BBS9: variants seen among roughly 807,000 people sequenced by gnomAD.
BBS9 encodes the protein protein PTHB1.
A neutral mutation model predicts 117.7 loss-of-function variants in BBS9; 89 were observed. The observed-to-expected ratio is 0.76, with a 90% confidence interval of 0.64 to 0.90. The LOEUF is 0.90. BBS9 is among the 40% of genes least tolerant of loss of function. BBS9 has a pLI of 0.00. For missense variants in BBS9, 982 were observed against 1,042.2 expected (o/e 0.94, Z 0.80); for synonymous variants, 379 against 370.9 (o/e 1.02, Z -0.25).
At chr7:33,206,786 C>A (rs1787014087) in intron 5 of BBS9, among the ~76,000 whole-genome samples, 2 of 152,044 alleles carry the variant, frequency 1.3e-5, no homozygotes, top group Non-Finnish European at 2.9e-5. Context: ...TGCCCTGTAG[C>A]ACATTATTTC....
At chr7:33,318,174 T>C in intron 9 of BBS9, among the ~76,000 whole-genome samples, 1 of 152,246 alleles carries the variant, frequency 6.6e-6, no homozygotes, top group South Asian at 2.1e-4. Context: ...CCACCTTTAA[T>C]GGAGTCTAAA....
chr7:33,243,377 C>A (rs1452748365), intron 5 of BBS9, among the ~76,000 whole-genome samples: 1 of 152,206 alleles, frequency 6.6e-6, no homozygotes, highest in Non-Finnish European at 1.5e-5. Flanking sequence ...ATATCTGATG[C>A]AGCTGAATTC....
At chr7:33,465,610 TC>T (rs1240670756) in intron 19 of BBS9, among the ~76,000 whole-genome samples, 1 of 152,198 alleles carries the variant, frequency 6.6e-6, no homozygotes, top group East Asian at 1.9e-4. Flanking sequence ...TGGGTTTGAA[TC>T]CTGTCTCTCA....
At chr7:33,480,187 T>A (rs776741319) in intron 19 of BBS9, among the ~76,000 whole-genome samples, 1 of 152,216 alleles carries the variant, frequency 6.6e-6, no homozygotes, top group Non-Finnish European at 1.5e-5. Context: ...GTTGTAATGA[T>A]TAAAACATTC....
At chr7:33,172,933 A>G (rs570278397) in intron 4 of BBS9, among the ~76,000 whole-genome samples, 1 of 152,356 alleles carries the variant, frequency 6.6e-6, no homozygotes, top group South Asian at 2.1e-4. Context: ...AAACAATGGG[A>G]AGAGTTTCTA....
chr7:33,568,697 C>T (rs1442418837), intron 21 of BBS9, among the ~76,000 whole-genome samples: 3 of 152,138 alleles, frequency 2.0e-5, no homozygotes. Context: ...TCTATAAGAG[C>T]TTAACTTCAA....
chr7:33,147,032 T>C (rs1394447951), intron 2 of BBS9, among the ~76,000 whole-genome samples: 1 of 152,212 alleles, frequency 6.6e-6, no homozygotes, highest in Non-Finnish European at 1.5e-5. Context: ...ATAAATTTAT[T>C]GGACCTGGAA....
At chr7:33,349,883 T>G (rs2128663915) in intron 13 of BBS9, among the ~76,000 whole-genome samples, 1 of 152,324 alleles carries the variant, frequency 6.6e-6, no homozygotes, top group African/African-American at 2.4e-5. Context: ...TGTGTAACCT[T>G]AGGCAAAAAC....
At chr7:33,323,230 C>G (rs1218115691) in intron 9 of BBS9, among the ~76,000 whole-genome samples, 1 of 152,096 alleles carries the variant, frequency 6.6e-6, no homozygotes, top group Non-Finnish European at 1.5e-5. Context: ...AAATATTCCA[C>G]AAATATCTGT....
intron 19 of BBS9, chr7:33,390,646 T>A (rs950381475): frequency 1.0e-6 from 1 of 956,986 alleles, no homozygotes; most frequent in Non-Finnish European, 1.2e-6. Flanking sequence ...TCTATTTTAA[T>A]TCCGTTTAGT....
intron 7 of BBS9, among the ~76,000 whole-genome samples, chr7:33,266,658 T>C (rs996286051): frequency 6.6e-6 from 1 of 152,184 alleles, no homozygotes; most frequent in Non-Finnish European, 1.5e-5. Context: ...TTATTAGTTA[T>C]TGAGAGAGGG....
At chr7:33,497,717 T>A (rs1258400750) in intron 19 of BBS9, among the ~76,000 whole-genome samples, 1 of 152,168 alleles carries the variant, frequency 6.6e-6, no homozygotes, top group East Asian at 1.9e-4. Flanking sequence ...AATCCAACGT[T>A]GAGTAACTTA....
chr7:33,611,628 T>C lies in BBS9; in HGVS notation c.2522-23549T>C, dbSNP rs1267890763. On this transcript the variant is annotated intron_variant, in intron 21 of 21. Coordinates refer to the BBS9 transcript ENST00000671952. ...TAATTAATTAATATTAATTATTTAA[T>C]AATATTATTATATAAGGTATATTAT... 6.0e-4 allele frequency among the ~76,000 whole-genome samples: 78 copies of C among 130,224 alleles called. 1 individual carries two copies. In the East Asian group the frequency reaches 0.014, roughly 23 times the overall value. The allele number at this position is 130,224 out of a possible 152,430, so 85.4% of individuals were successfully genotyped here.
chr7:33,480,252 C>T (rs1458841186), intron 19 of BBS9, among the ~76,000 whole-genome samples: 1 of 152,122 alleles, frequency 6.6e-6, no homozygotes, highest in African/African-American at 2.4e-5. Flanking sequence ...ATTCTTATTT[C>T]CCAGTGTTAA....
chr7:33,230,390 T>C (rs1047661208), intron 5 of BBS9, among the ~76,000 whole-genome samples: 4 of 152,206 alleles, frequency 2.6e-5, no homozygotes, highest in Non-Finnish European at 5.9e-5. Context: ...CCTGGTCTTA[T>C]ATTTAGGTCT....
intron 5 of BBS9, among the ~76,000 whole-genome samples, chr7:33,256,903 A>C (rs560457165): frequency 1.3e-5 from 2 of 152,210 alleles, no homozygotes; most frequent in Admixed American, 1.3e-4. Context: ...TCTATGTATC[A>C]GTTTTCTATG....
intron 4 of BBS9, among the ~76,000 whole-genome samples, chr7:33,160,407 A>G (rs79901673): frequency 3.2e-3 from 490 of 152,322 alleles, no homozygotes; most frequent in African/African-American, 0.011. Context: ...TCTTTTATCT[A>G]TTGAGGCATA....
At chr7:33,165,508 C>T (rs768248185) in intron 4 of BBS9, among the ~76,000 whole-genome samples, 1 of 151,818 alleles carries the variant, frequency 6.6e-6, no homozygotes, top group African/African-American at 2.4e-5. Flanking sequence ...TTCCATATTT[C>T]TTGGAGGCTT....
chr7:33,589,665 T>C (rs1226480714), intron 21 of BBS9, among the ~76,000 whole-genome samples: 2 of 152,028 alleles, frequency 1.3e-5, no homozygotes, highest in Non-Finnish European at 2.9e-5. Flanking sequence ...TGGGGAAGGC[T>C]GTGGGGTGAG....
Sources: gnomAD v4.1 joint callset for allele counts (sites outside exome capture counted in the v4.1 genomes callset) on GRCh38, gnomAD v4.1.1 for gene constraint, MANE v1.5 for transcripts, NCBI Gene and HGNC (gene_info 2026-07-23, HGNC 2026-07-21) for gene names.